The following PDE4D variants were observed in gnomAD, a reference collection of about 807,000 sequenced individuals.
PDE4D encodes the protein phosphodiesterase 4D, also known as 3',5'-cyclic-AMP phosphodiesterase 4D.
PDE4D carries 24 observed loss-of-function variants against 87.4 expected under a neutral mutation model. The ratio of observed to expected loss-of-function variants is 0.27; its 90% CI spans 0.20 to 0.39. PDE4D has a LOEUF of 0.39. Among genes scored for constraint, PDE4D ranks in the 10% least tolerant of loss-of-function variants. The pLI, the probability that PDE4D is intolerant of heterozygous loss-of-function variation, is 1.00. For synonymous variants in PDE4D, 384 were observed against 383.2 expected, an observed-to-expected ratio of 1.00 and a Z score of -0.02; for missense variants, 714 against 1,041.0, an observed-to-expected ratio of 0.69 and a Z score of 4.32.
At chr5:59,177,849 A>G (rs1402615236) in intron 5 of PDE4D, among the ~76,000 whole-genome samples, 2 of 152,182 alleles carry the variant, frequency 1.3e-5, no homozygotes, top group Non-Finnish European at 2.9e-5. Context: ...TAGTGAGAGA[A>G]GCCACATGGA....
chr5:60,004,708 G>A (rs1764312532), intron 2 of PDE4D, among the ~76,000 whole-genome samples: 1 of 152,046 alleles, frequency 6.6e-6, no homozygotes. Flanking sequence ...TGGCCAAAAG[G>A]TATATAAAAT....
chr5:59,552,432 A>C (rs1818272916), intron 1 of PDE4D, among the ~76,000 whole-genome samples: 1 of 152,166 alleles, frequency 6.6e-6, no homozygotes, highest in Non-Finnish European at 1.5e-5. Flanking sequence ...TTATGTTTCA[A>C]GTTGTTGTAC....
intron 1 of PDE4D, among the ~76,000 whole-genome samples, chr5:59,681,797 G>GGAAACTGAGGCAGGA (rs1351066368): frequency 6.6e-6 from 1 of 150,974 alleles, no homozygotes; most frequent in African/African-American, 2.4e-5. Flanking sequence ...CAGCTACTCG[G>GGAAACTGAGGCAGGA]GAAACTGAGG....
intron 1 of PDE4D, among the ~76,000 whole-genome samples, chr5:60,459,002 TTG>T (rs397788791): frequency 3.3e-5 from 5 of 150,294 alleles, no homozygotes; most frequent in Non-Finnish European, 5.9e-5. Flanking sequence ...TGTGTGTGTG[TTG>T]TGTGTGTGTG....
intron 1 of PDE4D, among the ~76,000 whole-genome samples, chr5:59,459,253 T>G (rs1403786326): frequency 6.6e-6 from 1 of 152,196 alleles, no homozygotes; most frequent in Non-Finnish European, 1.5e-5. Context: ...AAAACCAGGT[T>G]AATTTTTAAA....
At chr5:59,185,501 G>A (rs1332023575) in intron 3 of PDE4D, among the ~76,000 whole-genome samples, 1 of 152,142 alleles carries the variant, frequency 6.6e-6, no homozygotes, top group Non-Finnish European at 1.5e-5. Context: ...AGTAGCAGCA[G>A]TTTCCACAGT....
intron 1 of PDE4D, among the ~76,000 whole-genome samples, chr5:59,841,803 T>A (rs889611509): frequency 1.3e-5 from 2 of 151,240 alleles, no homozygotes; most frequent in Non-Finnish European, 3.0e-5. Flanking sequence ...TTGGGGGAGG[T>A]AAAGGACTCT....
At chr5:59,551,895 G>GT (rs1389873612) in intron 1 of PDE4D, among the ~76,000 whole-genome samples, 1 of 152,100 alleles carries the variant, frequency 6.6e-6, no homozygotes, top group Non-Finnish European at 1.5e-5. Flanking sequence ...GGTGTAGTAT[G>GT]TTTTTGTGAC....
intron 1 of PDE4D, among the ~76,000 whole-genome samples, chr5:60,240,404 T>G (rs1746957804): frequency 6.6e-6 from 1 of 152,060 alleles, no homozygotes; most frequent in African/African-American, 2.4e-5. Context: ...TTCCAAGGCT[T>G]GACTCTTGAA....
chr5:60,449,550 G>A (rs993804376), intron 1 of PDE4D, among the ~76,000 whole-genome samples: 4 of 150,448 alleles, frequency 2.7e-5, no homozygotes, highest in African/African-American at 9.8e-5. Context: ...GCTAGATGAC[G>A]AGTTAGTGGG....
chr5:60,010,732 C>A (rs1372292084), intron 2 of PDE4D, among the ~76,000 whole-genome samples: 1 of 152,132 alleles, frequency 6.6e-6, no homozygotes, highest in Non-Finnish European at 1.5e-5. Context: ...CATAGGATAG[C>A]TATCTAATGT....
At chr5:59,640,820 G>T (rs1050711091) in intron 1 of PDE4D, among the ~76,000 whole-genome samples, 12 of 152,110 alleles carry the variant, frequency 7.9e-5, no homozygotes, top group African/African-American at 2.7e-4. Context: ...CAAACAAAAA[G>T]CTATTTTTGA....
chr5:60,045,286 T>C (rs1162009623), intron 2 of PDE4D, among the ~76,000 whole-genome samples: 5 of 151,924 alleles, frequency 3.3e-5, no homozygotes, highest in South Asian at 4.2e-4. Flanking sequence ...GAGTAGGTTG[T>C]GAAAATTTTC....
intron 1 of PDE4D, among the ~76,000 whole-genome samples, chr5:60,414,105 G>A (rs1363391742): frequency 1.3e-5 from 2 of 152,144 alleles, no homozygotes; most frequent in Non-Finnish European, 1.5e-5. Flanking sequence ...AACAGTCCTT[G>A]TCTGTCATAC....
chr5:60,381,350 G>GA (rs1034113877), intron 1 of PDE4D, among the ~76,000 whole-genome samples: 4 of 152,116 alleles, frequency 2.6e-5, no homozygotes, highest in Non-Finnish European at 4.4e-5. Flanking sequence ...AATTCTACTG[G>GA]AAAAAAACTT....
At chr5:59,393,937 A>C (rs550059891) in intron 1 of PDE4D, among the ~76,000 whole-genome samples, 7 of 152,360 alleles carry the variant, frequency 4.6e-5, no homozygotes, top group African/African-American at 1.4e-4. Context: ...AGCTCTTGAA[A>C]ACAAGTTCAT....
At chr5:59,766,859 A>G (rs1284243956) in intron 1 of PDE4D, among the ~76,000 whole-genome samples, 1 of 152,242 alleles carries the variant, frequency 6.6e-6, no homozygotes, top group East Asian at 1.9e-4. Flanking sequence ...TAAGACAGAA[A>G]AAGTCAATGT....
At chr5:59,087,809 C>G (rs570997966) in intron 5 of PDE4D, among the ~76,000 whole-genome samples, 2 of 152,242 alleles carry the variant, frequency 1.3e-5, no homozygotes, top group East Asian at 3.9e-4. Context: ...TATTGACCCC[C>G]AACCTTACTC....
chr5:60,363,355 C>T (rs1760245765), intron 1 of PDE4D, among the ~76,000 whole-genome samples: 1 of 152,120 alleles, frequency 6.6e-6, no homozygotes, highest in African/African-American at 2.4e-5. Context: ...TTCCTCACTA[C>T]CCTCGAACCC....
Sources: allele counts gnomAD v4.1 joint callset (sites outside exome capture counted in the v4.1 genomes callset), GRCh38; gene constraint gnomAD v4.1.1; transcripts MANE v1.5; gene names NCBI Gene and HGNC (gene_info 2026-07-23, HGNC 2026-07-21).